NUDT3: variants seen among roughly 807,000 people sequenced by gnomAD.
NUDT3 encodes nudix hydrolase 3, also known as diphosphoinositol polyphosphate phosphohydrolase 1.
A neutral mutation model predicts 23.6 loss-of-function variants in NUDT3; 9 were observed. That is an observed-to-expected ratio of 0.38 (90% CI 0.23 to 0.66). The LOEUF is 0.66. Ranked by LOEUF, NUDT3 falls within the 30% of genes least tolerant of loss-of-function variation. The pLI, the probability that NUDT3 is intolerant of heterozygous loss-of-function variation, is 0.52. For missense variants in NUDT3, 172 were observed against 218.5 expected, an observed-to-expected ratio of 0.79 and a Z score of 1.34; for synonymous variants, 86 against 82.6, an observed-to-expected ratio of 1.04 and a Z score of -0.22.
intron 1 of NUDT3, among the ~76,000 whole-genome samples, chr6:34,351,690 G>A (rs1276407751): frequency 3.6e-5 from 5 of 139,178 alleles, no homozygotes; most frequent in South Asian, 2.2e-4. Flanking sequence ...GCAGTGAGCC[G>A]AGATCGCACC....
chr6:34,297,154 G>A (rs929876835), intron 2 of NUDT3, among the ~76,000 whole-genome samples: 3 of 151,890 alleles, frequency 2.0e-5, no homozygotes, highest in Admixed American at 6.6e-5. Flanking sequence ...GGATGGTCTC[G>A]ATCTCCTGAC....
chr6:34,355,100 T>C (rs1764542434), intron 1 of NUDT3, among the ~76,000 whole-genome samples: 1 of 152,150 alleles, frequency 6.6e-6, no homozygotes, highest in African/African-American at 2.4e-5. Flanking sequence ...ACCTTATCTA[T>C]TCCCAGTATT....
rs183655791 is a variant in NUDT3 at position 34,384,946 on chromosome 6, T to C, written c.99+7318A>G. Among the ~76,000 whole-genome samples the C allele has an allele frequency of 3.5e-3, 537 of 151,696 alleles. 3 individuals are homozygous for C. The highest frequency in any genetic ancestry group is 6.3e-3 in the Non-Finnish European group (431 of 67,928). ...TGGGAGGCTGAGGTGGGAGGATCAC[T>C]TGAGCCTGGGAGGTGGAAGCTGCAG... On this transcript the variant is annotated intron_variant, in intron 1 of 4. Transcript: ENST00000607016.
At chr6:34,342,289 CAAAAAAAAAAAA>C (rs200954440) in intron 1 of NUDT3, among the ~76,000 whole-genome samples, 13 of 66,494 alleles carry the variant, frequency 2.0e-4, no homozygotes, top group South Asian at 4.6e-4. Flanking sequence ...TAGAAGACTT[CAAAAAAAAAAAA>C]AAAAAAAAAA....
At chr6:34,345,620 G>A (rs1333746910) in intron 1 of NUDT3, among the ~76,000 whole-genome samples, 88 of 139,790 alleles carry the variant, frequency 6.3e-4, no homozygotes, top group African/African-American at 2.1e-3. Flanking sequence ...CCGAGATTGC[G>A]CCACGGCAGT....
Position 34,338,222 on chromosome 6 carries a change from T to A in NUDT3, c.210+3640A>T, listed in dbSNP as rs550132636. Among the ~76,000 whole-genome samples the A allele has an allele frequency of 2.6e-5, 4 of 152,336 alleles. No individual in the cohort carries two copies. In the South Asian group the frequency reaches 6.2e-4, roughly 24 times the overall value. ...AGCTCACTAGCTACTTCATCCCTCC[T>A]CTATCTAGTCTCCCTTATGTGGGGA... On this transcript the variant is annotated intron_variant, in intron 2 of 4. Transcript: ENST00000607016.
intron 1 of NUDT3, among the ~76,000 whole-genome samples, chr6:34,348,490 G>T (rs1324341331): frequency 1.3e-5 from 2 of 151,436 alleles, no homozygotes; most frequent in East Asian, 3.9e-4. Flanking sequence ...TCAAAAAAAA[G>T]AAACAGGCTG....
chr6:34,392,521 C>T lies in NUDT3; in HGVS notation c.-159G>A, dbSNP rs552072529. ...GGCTCCGCCGCTGGCCCGCCGCGGC[C>T]GCCTCATTCCCCCAGGCCCAGGTCC... On this transcript the variant is annotated 5_prime_UTR_variant, in exon 1 of 5. Coordinates refer to ENST00000607016, the MANE Select transcript of NUDT3 (RefSeq NM_006703.4). 4.1e-6 allele frequency: 2 copies of T among 491,910 alleles called. No individual in the cohort carries two copies. Among genetic ancestry groups the T allele is most frequent in the African/African-American group, 2.1e-5 (1 of 48,364 alleles). The allele number at this position is 491,910 out of a possible 1,614,324, so 30.5% of individuals were successfully genotyped here.
chr6:34,299,329 AG>A (rs1483478093), intron 2 of NUDT3, among the ~76,000 whole-genome samples: 5 of 152,240 alleles, frequency 3.3e-5, no homozygotes, highest in Admixed American at 3.3e-4. Context: ...TAATCTAGAG[AG>A]GGAGTCTTTA....
chr6:34,336,239 G>A lies in NUDT3; in HGVS notation c.210+5623C>T, dbSNP rs144465727. The stretch of plus-strand genomic sequence containing the variant: ...AGCACTCCAGCCTGGATGACAGAGC[G>A]AGACTCCATCTCAAAACAAACAAAC... On this transcript the variant is annotated intron_variant, in intron 2 of 4. Transcript: ENST00000607016. Among the ~76,000 whole-genome samples, 505 of 152,124 alleles carry A rather than the reference G, an allele frequency of 3.3e-3. 3 individuals carry two copies. Among genetic ancestry groups the A allele is most frequent in the East Asian group, 0.024 (125 of 5,164 alleles).
intron 1 of NUDT3, among the ~76,000 whole-genome samples, chr6:34,389,236 G>A (rs911027009): frequency 3.3e-5 from 5 of 152,174 alleles, no homozygotes; most frequent in African/African-American, 9.7e-5. Flanking sequence ...CCCCCATGCG[G>A]TTCTCATGCT....
chr6:34,368,886 C>T (rs1211919137), intron 1 of NUDT3, among the ~76,000 whole-genome samples: 1 of 152,184 alleles, frequency 6.6e-6, no homozygotes, highest in African/African-American at 2.4e-5. Context: ...GATCCGCCTG[C>T]CTCGGCCTCC....
intron 1 of NUDT3, among the ~76,000 whole-genome samples, 168 bp downstream of exon 1, chr6:34,392,096 G>A (rs1765212815): frequency 6.6e-6 from 1 of 152,058 alleles, no homozygotes; most frequent in African/African-American, 2.4e-5. Context: ...CAGCCCCAAC[G>A]TCCTTTCTCC....
intron 2 of NUDT3, among the ~76,000 whole-genome samples, chr6:34,304,956 G>C (rs1763657169): frequency 6.7e-6 from 1 of 148,472 alleles, no homozygotes; most frequent in African/African-American, 2.5e-5. Flanking sequence ...ATAGGCATGA[G>C]CCACTGTGCC....
chr6:34,295,043 T>C (rs1763479251), intron 3 of NUDT3, among the ~76,000 whole-genome samples: 1 of 152,192 alleles, frequency 6.6e-6, no homozygotes, highest in African/African-American at 2.4e-5. Context: ...CTTCTATTTT[T>C]CTTCTCTCTC....
At position 34,288,305 on chromosome 6, in the gene NUDT3, T is replaced by C. The variant is rs1382050062; in HGVS notation, c.*448A>G. 1.3e-5 allele frequency: 2 copies of C among 153,356 alleles called. No individual in the cohort carries two copies. Among genetic ancestry groups the C allele is most frequent in the Non-Finnish European group, 2.9e-5 (2 of 68,922 alleles). 9.5% of individuals were successfully genotyped at this position (153,356 alleles called of 1,614,324 possible). On this transcript the variant is annotated 3_prime_UTR_variant, in exon 5 of 5. Transcript: ENST00000607016. ...TATACTGCAGTGAAAGTGACCACTC[T>C]ACTGAACTGTACAGCACATTATAGG... is the stretch of plus-strand genomic sequence containing the variant.
At chr6:34,372,464 T>G (rs1764847126) in intron 1 of NUDT3, among the ~76,000 whole-genome samples, 1 of 152,148 alleles carries the variant, frequency 6.6e-6, no homozygotes, top group Admixed American at 6.5e-5. Context: ...TATCTCATTG[T>G]GGTTTTGATT....
chr6:34,304,251 C>CAAAAA (rs60576919), intron 2 of NUDT3, among the ~76,000 whole-genome samples: 1 of 81,170 alleles, frequency 1.2e-5, no homozygotes, highest in African/African-American at 4.1e-5. Context: ...AACTCTGTCT[C>CAAAAA]AAAAAAAAAA....
intron 2 of NUDT3, among the ~76,000 whole-genome samples, chr6:34,327,207 C>T (rs1203332464): frequency 6.6e-6 from 1 of 152,036 alleles, no homozygotes. Context: ...AGGCAGCATA[C>T]GTCAGCGTTT....
Sources: gnomAD v4.1 joint callset for allele counts (sites outside exome capture counted in the v4.1 genomes callset) on GRCh38, gnomAD v4.1.1 for gene constraint, MANE v1.5 for transcripts, NCBI Gene and HGNC (gene_info 2026-07-23, HGNC 2026-07-21) for gene names.